Variants in SORCS1 observed in about 807,000 individuals in gnomAD.
SORCS1 encodes the protein sortilin related VPS10 domain containing receptor 1, also known as VPS10 domain-containing receptor SorCS1.
In SORCS1, 60 loss-of-function variants were observed where a neutral mutation model predicts 146.1. That is an observed-to-expected ratio of 0.41 (90% CI 0.33 to 0.51). SORCS1 has a LOEUF of 0.51. SORCS1 is among the 20% of genes least tolerant of loss of function. SORCS1 has a pLI of 0.21. For synonymous variants in SORCS1, 637 were observed against 584.0 expected (o/e 1.09, Z -1.31); for missense variants, 1,352 against 1,487.6 (o/e 0.91, Z 1.50).
At chr10:106,894,880 C>T (rs1951404737) in intron 2 of SORCS1, among the ~76,000 whole-genome samples, 1 of 152,204 alleles carries the variant, frequency 6.6e-6, no homozygotes, top group Admixed American at 6.5e-5. Flanking sequence ...CAAGCCTTGG[C>T]TTTCTCAACT....
At chr10:106,622,797 C>T (rs930875882) in intron 19 of SORCS1, among the ~76,000 whole-genome samples, 1 of 152,208 alleles carries the variant, frequency 6.6e-6, no homozygotes, top group African/African-American at 2.4e-5. Flanking sequence ...AGTAACGTGA[C>T]TTTCCCCAGG....
intron 2 of SORCS1, among the ~76,000 whole-genome samples, chr10:106,912,311 A>C (rs866644730): frequency 8.3e-6 from 1 of 121,008 alleles, no homozygotes; most frequent in Non-Finnish European, 1.7e-5. Context: ...GAAACAAAAC[A>C]AAACGAAGCA....
At chr10:107,109,596 G>T (rs1965546696) in intron 1 of SORCS1, among the ~76,000 whole-genome samples, 1 of 152,176 alleles carries the variant, frequency 6.6e-6, no homozygotes, top group South Asian at 2.1e-4. Flanking sequence ...CTGGGCCTAT[G>T]ATGAGAAGGG....
chr10:106,682,740 A>C (rs1852534788), intron 10 of SORCS1, among the ~76,000 whole-genome samples: 1 of 152,156 alleles, frequency 6.6e-6, no homozygotes, highest in African/African-American at 2.4e-5. Flanking sequence ...ATATGTGCTG[A>C]GTACCTACAT....
chr10:106,785,881 C>T (rs1344072288), intron 3 of SORCS1, among the ~76,000 whole-genome samples: 1 of 152,126 alleles, frequency 6.6e-6, no homozygotes, highest in Non-Finnish European at 1.5e-5. Context: ...AATTTTCCTT[C>T]CTTCTTCAGT....
chr10:107,034,105 T>C lies in SORCS1; in HGVS notation c.559-77525A>G, dbSNP rs879683787. Among the ~76,000 whole-genome samples the C allele has an allele frequency of 7.9e-5, 12 of 152,200 alleles. 1 individual carries two copies. The highest frequency in any genetic ancestry group is 2.4e-4 in the African/African-American group (10 of 41,458). ...ATAGACAGCTTGGAGAGAACAGAGA[T>C]AGGCTGATCAATTCAACAGGAAAAT... On this transcript the variant is annotated intron_variant, in intron 1 of 25. Transcript: ENST00000263054.
chr10:107,029,620 T>C (rs1163963272), intron 1 of SORCS1, among the ~76,000 whole-genome samples: 2 of 152,282 alleles, frequency 1.3e-5, no homozygotes, highest in East Asian at 1.9e-4. Context: ...AACAGACATA[T>C]ATTGAAACTT....
intron 2 of SORCS1, among the ~76,000 whole-genome samples, chr10:106,830,906 A>C (rs980345906): frequency 5.3e-5 from 8 of 151,974 alleles, no homozygotes; most frequent in Non-Finnish European, 8.8e-5. Context: ...AAAACAAAAC[A>C]AAAAAAGGCC....
chr10:106,979,164 T>C lies in SORCS1; in HGVS notation c.559-22584A>G, dbSNP rs139691953. On this transcript the variant is annotated intron_variant, in intron 1 of 25. Coordinates refer to ENST00000263054, the MANE Select transcript of SORCS1 (RefSeq NM_052918.5). Reference sequence around the variant, plus strand: ...AGAGGGTGAATAATTGCATACTTTATAGGAAAAGGTAAGAGAATGAACAAT... The same window carrying C: ...AGAGGGTGAATAATTGCATACTTTACAGGAAAAGGTAAGAGAATGAACAAT... Among the ~76,000 whole-genome samples, 10 of 152,182 alleles carry C rather than the reference T, an allele frequency of 6.6e-5. No individual in the cohort carries two copies. The East Asian group carries it at 1.9e-3, about 29-fold the overall frequency.
At chr10:107,109,760 G>A (rs930355225) in intron 1 of SORCS1, among the ~76,000 whole-genome samples, 3 of 152,144 alleles carry the variant, frequency 2.0e-5, no homozygotes, top group Non-Finnish European at 4.4e-5. Flanking sequence ...GTGTCACGTG[G>A]CTAGGCTGCA....
At chr10:106,905,585 C>T (rs1000766277) in intron 2 of SORCS1, among the ~76,000 whole-genome samples, 6 of 152,276 alleles carry the variant, frequency 3.9e-5, no homozygotes, top group African/African-American at 1.4e-4. Flanking sequence ...ACATAAATTT[C>T]ATTTCCAGGT....
chr10:107,053,090 C>T (rs17280297), intron 1 of SORCS1, among the ~76,000 whole-genome samples: 24,192 of 152,086 alleles, frequency 0.16, 2,184 homozygotes, highest in South Asian at 0.2. Context: ...AAATCAAAAG[C>T]CTACAGTCCA....
At chr10:106,727,901 A>G (rs1275327398) in intron 6 of SORCS1, among the ~76,000 whole-genome samples, 1 of 152,216 alleles carries the variant, frequency 6.6e-6, no homozygotes, top group Non-Finnish European at 1.5e-5. Context: ...AACCCGCCTA[A>G]AGGCCTGCAG....
At chr10:107,080,616 T>C (rs973853978) in intron 1 of SORCS1, among the ~76,000 whole-genome samples, 4 of 152,232 alleles carry the variant, frequency 2.6e-5, no homozygotes, top group Non-Finnish European at 5.9e-5. Flanking sequence ...TCAGCAGTTC[T>C]GTAACCGACA....
chr10:107,007,070 G>T (rs917919347), intron 1 of SORCS1, among the ~76,000 whole-genome samples: 5 of 152,104 alleles, frequency 3.3e-5, no homozygotes, highest in African/African-American at 1.2e-4. Flanking sequence ...CAATTTTGTA[G>T]TAATTAGTTT....
At chr10:106,945,980 C>T (rs1371885392) in intron 2 of SORCS1, among the ~76,000 whole-genome samples, 1 of 152,190 alleles carries the variant, frequency 6.6e-6, no homozygotes, top group Non-Finnish European at 1.5e-5. Flanking sequence ...ATGCCTAGAG[C>T]TCTGTGGAAA....
At chr10:106,716,518 CTCTG>C (rs2135901663) in intron 6 of SORCS1, among the ~76,000 whole-genome samples, 2 of 152,320 alleles carry the variant, frequency 1.3e-5, no homozygotes, top group South Asian at 4.1e-4. Context: ...CAAAACAAAG[CTCTG>C]TGATGTTGCT....
chr10:106,932,352 C>T lies in SORCS1; in HGVS notation c.626+24161G>A, dbSNP rs117850635. On this transcript the variant is annotated intron_variant, in intron 2 of 25. Coordinates refer to ENST00000263054, the MANE Select transcript of SORCS1 (RefSeq NM_052918.5). ...TGCTGATTGCTCCCCTGATACCATGCATTTGGCATCAAATCCCCCTTTCCT... is the reference window on the plus strand; with the variant it reads ...TGCTGATTGCTCCCCTGATACCATGTATTTGGCATCAAATCCCCCTTTCCT... Among the ~76,000 whole-genome samples, 546 of 152,200 alleles carry T rather than the reference C, an allele frequency of 3.6e-3. 1 individual carries two copies. Among genetic ancestry groups the T allele is most frequent in the Middle Eastern group, 0.01 (3 of 294 alleles).
chr10:107,089,237 T>G (rs906404717), intron 1 of SORCS1, among the ~76,000 whole-genome samples: 1 of 152,178 alleles, frequency 6.6e-6, no homozygotes, highest in African/African-American at 2.4e-5. Flanking sequence ...AAAAGTTAAA[T>G]CCAATGTTTT....
Sources: gnomAD v4.1 joint callset for allele counts (sites outside exome capture counted in the v4.1 genomes callset) on GRCh38, gnomAD v4.1.1 for gene constraint, MANE v1.5 for transcripts, NCBI Gene and HGNC (gene_info 2026-07-23, HGNC 2026-07-21) for gene names.